RASEF: variants seen among roughly 807,000 people sequenced by gnomAD.
RASEF encodes the protein ras and EF-hand domain-containing protein.
RASEF carries 68 observed loss-of-function variants against 90.1 expected under a neutral mutation model. That is an observed-to-expected ratio of 0.75 (90% confidence interval 0.62 to 0.92). The LOEUF is 0.92. Among genes scored for constraint, RASEF ranks in the 40% least tolerant of loss-of-function variants. The probability of loss-of-function intolerance (pLI) is 0.00; values close to 1 mark genes in which losing one functional copy is unlikely to be tolerated. For missense variants in RASEF, 949 were observed against 937.2 expected (o/e 1.01, Z -0.16); for synonymous variants, 331 against 345.2 (o/e 0.96, Z 0.46).
the RASEF span, among the ~76,000 whole-genome samples, chr9:83,165,960 G>A: frequency 6.6e-6 from 1 of 152,010 alleles, no homozygotes; most frequent in African/African-American, 2.4e-5. Context: ...ACTCACACAG[G>A]AAAAATTGGG....
chr9:83,055,606 T>TC, intron 1 of RASEF: 1 of 718,092 alleles, frequency 1.4e-6, no homozygotes, highest in Non-Finnish European at 2.6e-6. Context: ...GCCTTCCTTT[T>TC]TAGCCCATGA....
chr9:82,996,028 AC>A (rs1828912618), intron 14 of RASEF, among the ~76,000 whole-genome samples: 1 of 152,238 alleles, frequency 6.6e-6, no homozygotes, highest in Non-Finnish European at 1.5e-5. Flanking sequence ...CACTGTGTTT[AC>A]AATCATTTTA....
chr9:83,132,353 C>T, the RASEF span, among the ~76,000 whole-genome samples: 1 of 152,110 alleles, frequency 6.6e-6, no homozygotes, highest in Non-Finnish European at 1.5e-5. Context: ...AGACAGATGA[C>T]CAGCAAGTCT....
chr9:82,986,770 T>C (rs1459158360), intron 16 of RASEF, among the ~76,000 whole-genome samples: 1 of 152,252 alleles, frequency 6.6e-6, no homozygotes, highest in Admixed American at 6.5e-5. Flanking sequence ...TTCTCCAATT[T>C]CAGGCAGTTG....
the RASEF span, among the ~76,000 whole-genome samples, chr9:83,113,922 T>A: frequency 9.7e-4 from 148 of 152,312 alleles, no homozygotes; most frequent in African/African-American, 3.3e-3. Flanking sequence ...TCCCTGTTTG[T>A]ACACCCCCTC....
At chr9:83,182,653 T>G in the RASEF span, among the ~76,000 whole-genome samples, 2 of 152,154 alleles carry the variant, frequency 1.3e-5, no homozygotes, top group African/African-American at 2.4e-5. Context: ...CAAATTTTGG[T>G]TTCAATTAAT....
chr9:83,000,873 G>C (rs1298729338), intron 10 of RASEF, 23 bp downstream of exon 10: 1 of 1,573,760 alleles, frequency 6.4e-7, no homozygotes, highest in South Asian at 1.1e-5. Context: ...AGGCCTAGGA[G>C]AGCAGTGGTT....
the RASEF span, among the ~76,000 whole-genome samples, chr9:83,199,596 CAAATCAGTGGGT>C: frequency 6.6e-6 from 1 of 152,174 alleles, no homozygotes; most frequent in Non-Finnish European, 1.5e-5. Flanking sequence ...TTTCCACATC[CAAATCAGTGGGT>C]AAATGAGGCA....
chr9:83,144,871 T>A, the RASEF span, among the ~76,000 whole-genome samples: 3 of 152,278 alleles, frequency 2.0e-5, no homozygotes, highest in South Asian at 4.1e-4. Context: ...TAAATCAGAA[T>A]GACAAGGATA....
chr9:82,986,105 A>G (rs1828706157), intron 16 of RASEF, among the ~76,000 whole-genome samples: 2 of 152,236 alleles, frequency 1.3e-5, no homozygotes, highest in Non-Finnish European at 2.9e-5. Context: ...AGTGAAAAGA[A>G]AGAGAGGACA....
the RASEF span, among the ~76,000 whole-genome samples, chr9:83,196,625 T>C: frequency 0.61 from 93,180 of 152,050 alleles, 28,739 homozygotes; most frequent in East Asian, 0.78. Flanking sequence ...ATTTGTGTCC[T>C]ATGAGTCTGA....
chr9:83,155,275 T>C, the RASEF span, among the ~76,000 whole-genome samples: 1 of 152,282 alleles, frequency 6.6e-6, no homozygotes, highest in East Asian at 1.9e-4. Context: ...TGTTTGGGTG[T>C]ATTAGTCCAT....
intron 8 of RASEF, 57 bp from the exon 9 acceptor site, chr9:83,004,643 T>C: frequency 9.4e-7 from 1 of 1,059,122 alleles, no homozygotes; most frequent in Non-Finnish European, 1.5e-6. Flanking sequence ...AAACATTTTA[T>C]ATACACATAG....
chr9:83,082,125 A>G, the RASEF span, among the ~76,000 whole-genome samples: 1 of 152,146 alleles, frequency 6.6e-6, no homozygotes, highest in African/African-American at 2.4e-5. Context: ...TTTAATTAGT[A>G]TGATCTTGGC....
chr9:83,082,420 C>A, the RASEF span, among the ~76,000 whole-genome samples: 1 of 152,170 alleles, frequency 6.6e-6, no homozygotes, highest in Admixed American at 6.5e-5. Flanking sequence ...TTTATCTCAG[C>A]AGATGAAATC....
chr9:83,148,724 C>T, the RASEF span, among the ~76,000 whole-genome samples: 1 of 152,126 alleles, frequency 6.6e-6, no homozygotes, highest in Non-Finnish European at 1.5e-5. Context: ...CTTTTTATAT[C>T]GTGTTAATTT....
At chr9:83,036,074 GAAT>G (rs1490510835) in intron 1 of RASEF, among the ~76,000 whole-genome samples, 1 of 152,214 alleles carries the variant, frequency 6.6e-6, no homozygotes, top group African/African-American at 2.4e-5. Context: ...TGAAAAGATA[GAAT>G]AATATGTGGC....
At chr9:83,044,250 G>A (rs1480966396) in intron 1 of RASEF, among the ~76,000 whole-genome samples, 1 of 152,172 alleles carries the variant, frequency 6.6e-6, no homozygotes, top group East Asian at 1.9e-4. Flanking sequence ...AGAAGAAGAA[G>A]GGAAGCCAGA....
chr9:83,007,423 A>G lies in RASEF; in HGVS notation c.1028+14T>C. On this transcript the variant is annotated intron_variant, in intron 7 of 16. Coordinates refer to ENST00000376447, the MANE Select transcript of RASEF (RefSeq NM_152573.4). Reference sequence around the variant, plus strand: ...GAAATGTAAATGTAATGAGCATTTGATCTGCGGACTTACTGGAGTATTTCA... The same window carrying G: ...GAAATGTAAATGTAATGAGCATTTGGTCTGCGGACTTACTGGAGTATTTCA... 6.3e-7 allele frequency: 1 copy of G among 1,583,878 alleles called. No homozygotes were observed. The highest frequency in any genetic ancestry group is 2.2e-5 in the East Asian group (1 of 44,774).
Sources: allele counts gnomAD v4.1 joint callset (sites outside exome capture counted in the v4.1 genomes callset), GRCh38; gene constraint gnomAD v4.1.1; transcripts MANE v1.5; gene names NCBI Gene and HGNC (gene_info 2026-07-23, HGNC 2026-07-21).